The following TAFA2 variants were observed in gnomAD, a reference collection of about 807,000 sequenced individuals.
The protein encoded by TAFA2 is chemokine-like protein TAFA-2.
In TAFA2, 7 loss-of-function variants were observed where a neutral mutation model predicts 18.8. The observed-to-expected ratio is 0.37, with a 90% CI of 0.21 to 0.70. The LOEUF is 0.70. Ranked by LOEUF, TAFA2 falls within the 30% of genes least tolerant of loss-of-function variation. TAFA2 has a pLI of 0.53. For synonymous variants in TAFA2, 60 were observed against 54.2 expected (o/e 1.11, Z -0.47); for missense variants, 122 against 158.1 (o/e 0.77, Z 1.23).
chr12:61,926,915 A>C (rs1180264623), intron 1 of TAFA2, among the ~76,000 whole-genome samples: 6 of 151,974 alleles, frequency 3.9e-5, no homozygotes, highest in Admixed American at 3.9e-4. Context: ...TACTTTAAAA[A>C]AGTACCAAAA....
intron 1 of TAFA2, among the ~76,000 whole-genome samples, chr12:62,120,301 G>T (rs1341074958): frequency 5.9e-5 from 9 of 152,090 alleles, no homozygotes; most frequent in Non-Finnish European, 1.3e-4. Context: ...TACTAAGCAC[G>T]TAAGAGGATA....
chr12:61,963,024 C>A (rs1878942888), intron 1 of TAFA2, among the ~76,000 whole-genome samples: 1 of 152,036 alleles, frequency 6.6e-6, no homozygotes, highest in Non-Finnish European at 1.5e-5. Context: ...TGGTTTCCAG[C>A]TTTATCCATG....
intron 1 of TAFA2, among the ~76,000 whole-genome samples, chr12:62,249,866 C>A (rs1054397345): frequency 6.6e-5 from 10 of 152,174 alleles, no homozygotes; most frequent in African/African-American, 2.2e-4. Context: ...TTTTTGCCCT[C>A]TCCACCTGTG....
chr12:62,055,901 G>A (rs1882175832), intron 1 of TAFA2, among the ~76,000 whole-genome samples: 1 of 152,068 alleles, frequency 6.6e-6, no homozygotes, highest in Admixed American at 6.6e-5. Flanking sequence ...TCTTATTATA[G>A]GTTACTGTCA....
chr12:62,235,232 C>T (rs1484443838), intron 1 of TAFA2: 6 of 662,688 alleles, frequency 9.1e-6, no homozygotes, highest in Middle Eastern at 5.3e-4. Context: ...TCACGCCATG[C>T]TCAGGCAGTG....
intron 2 of TAFA2, among the ~76,000 whole-genome samples, chr12:61,821,609 G>A (rs1344509135): frequency 1.3e-5 from 2 of 152,006 alleles, no homozygotes; most frequent in Non-Finnish European, 2.9e-5. Context: ...GCATCATTTG[G>A]ACTATGACTC....
intron 4 of TAFA2, among the ~76,000 whole-genome samples, chr12:61,727,180 T>G (rs768610462): frequency 5.3e-5 from 8 of 152,018 alleles, no homozygotes; most frequent in Non-Finnish European, 1.2e-4. Flanking sequence ...GATATTGAAC[T>G]GTAGTTTTCT....
chr12:61,941,460 C>T (rs1043234330), intron 1 of TAFA2, among the ~76,000 whole-genome samples: 7 of 152,218 alleles, frequency 4.6e-5, no homozygotes, highest in South Asian at 4.1e-4. Context: ...CCAAGATGGC[C>T]GAATAGGAAC....
At chr12:61,919,773 C>A (rs1338926737) in intron 1 of TAFA2, among the ~76,000 whole-genome samples, 1 of 151,818 alleles carries the variant, frequency 6.6e-6, no homozygotes, top group Non-Finnish European at 1.5e-5. Flanking sequence ...TCAATTTCTA[C>A]ATTTATCTCA....
intron 1 of TAFA2, among the ~76,000 whole-genome samples, chr12:61,935,381 C>G (rs117409874): frequency 2.6e-3 from 402 of 152,238 alleles, no homozygotes; most frequent in Middle Eastern, 0.014. Flanking sequence ...TCAAAAGCCA[C>G]TAGACCAAAT....
intron 2 of TAFA2, among the ~76,000 whole-genome samples, chr12:61,840,094 C>T (rs772030012): frequency 6.6e-5 from 10 of 151,998 alleles, no homozygotes; most frequent in South Asian, 2.1e-4. Flanking sequence ...CTAGGAGATA[C>T]GGTTGGAGCA....
chr12:62,258,450 A>G (rs1319136271), intron 1 of TAFA2: 2 of 152,750 alleles, frequency 1.3e-5, no homozygotes, highest in African/African-American at 4.8e-5. Context: ...ATTAGGGTAT[A>G]AATGATTTAT....
At chr12:61,746,273 T>C (rs1441009105) in intron 4 of TAFA2, among the ~76,000 whole-genome samples, 1 of 152,118 alleles carries the variant, frequency 6.6e-6, no homozygotes, top group African/African-American at 2.4e-5. Flanking sequence ...AGAAGGTACC[T>C]GCTTTTCCTT....
chr12:61,737,588 T>C (rs1253851581), intron 4 of TAFA2, among the ~76,000 whole-genome samples: 1 of 144,874 alleles, frequency 6.9e-6, no homozygotes, highest in Non-Finnish European at 1.5e-5. Flanking sequence ...GTTATTTCAC[T>C]AAAAAAAAAA....
chr12:62,058,930 C>G lies in TAFA2; in HGVS notation c.-2+132329G>C, dbSNP rs183680225. On this transcript the variant is annotated intron_variant, in intron 1 of 4. Transcript: ENST00000416284. ...TATCCTGGCTAACACGGTGAAACCC[C>G]GTCTCTACTAAAAATACAAAAAATT... Among the ~76,000 whole-genome samples, 44 of 152,152 alleles carry G rather than the reference C, an allele frequency of 2.9e-4. 1 individual carries two copies. The highest frequency in any genetic ancestry group is 1.0e-3 in the African/African-American group (43 of 41,508).
chr12:62,069,279 G>A (rs1435893684), intron 1 of TAFA2, among the ~76,000 whole-genome samples: 3 of 152,142 alleles, frequency 2.0e-5, no homozygotes, highest in African/African-American at 7.2e-5. Context: ...AATCAAAACA[G>A]AGGTTTCTTT....
intron 2 of TAFA2, among the ~76,000 whole-genome samples, chr12:61,787,567 G>A (rs1487810774): frequency 6.6e-6 from 1 of 151,640 alleles, no homozygotes; most frequent in East Asian, 1.9e-4. Flanking sequence ...TGTAAATTGT[G>A]AAGAGGAGGA....
intron 1 of TAFA2, among the ~76,000 whole-genome samples, chr12:61,956,889 T>C (rs534255883): frequency 3.3e-5 from 5 of 152,288 alleles, no homozygotes; most frequent in Middle Eastern, 3.4e-3. Context: ...TGCCTTTAAT[T>C]ACTTGACAGT....
At chr12:61,726,166 GT>G (rs1321237154) in intron 4 of TAFA2, among the ~76,000 whole-genome samples, 1 of 151,598 alleles carries the variant, frequency 6.6e-6, no homozygotes, top group Non-Finnish European at 1.5e-5. Context: ...CCCATTGAAT[GT>G]TTTAAGAGTA....
Sources: gnomAD v4.1 joint callset for allele counts (sites outside exome capture counted in the v4.1 genomes callset) on GRCh38, gnomAD v4.1.1 for gene constraint, MANE v1.5 for transcripts, NCBI Gene and HGNC (gene_info 2026-07-23, HGNC 2026-07-21) for gene names.